The following KCNN2 variants were observed in gnomAD, a reference collection of about 807,000 sequenced individuals.
KCNN2 encodes potassium calcium-activated channel subfamily N member 2, also known as small conductance calcium-activated potassium channel protein 2.
In KCNN2, 24 loss-of-function variants were observed where a neutral mutation model predicts 55.5. That is an observed-to-expected ratio of 0.43 (90% CI 0.31 to 0.61). The LOEUF (loss-of-function observed/expected upper bound fraction) is 0.61. Ranked by LOEUF, KCNN2 falls within the 20% of genes least tolerant of loss-of-function variation. KCNN2 has a pLI of 0.08. For synonymous variants in KCNN2, 431 were observed against 336.1 expected (o/e 1.28, Z -3.09); for missense variants, 754 against 853.6 (o/e 0.88, Z 1.45).
rs976774676 is a variant in KCNN2, at chr5:114,470,333, A to G, written c.1780-2721A>G. ...GTAGTTAGGAACCCCTCAGGTTTTT[A>G]TGACCTCTGCTTATTAAAGAATCAT... is the stretch of plus-strand genomic sequence containing the variant. On this transcript the variant is annotated intron_variant, in intron 4 of 7. Coordinates refer to ENST00000673685, the MANE Select transcript of KCNN2 (RefSeq NM_021614.4). 2.6e-5 allele frequency among the ~76,000 whole-genome samples: 4 copies of G among 152,186 alleles called. No individual in the cohort carries two copies. In the South Asian group the frequency reaches 6.2e-4, roughly 24 times the overall value.
At chr5:114,288,097 A>C (rs1027258610) in intron 2 of KCNN2, among the ~76,000 whole-genome samples, 1 of 152,170 alleles carries the variant, frequency 6.6e-6, no homozygotes, top group African/African-American at 2.4e-5. Context: ...ATGTTATACA[A>C]CGTGTGCTCT....
chr5:114,416,747 T>A (rs1759318340), intron 3 of KCNN2, among the ~76,000 whole-genome samples: 1 of 152,232 alleles, frequency 6.6e-6, no homozygotes, highest in Non-Finnish European at 1.5e-5. Flanking sequence ...TAACAGAAGA[T>A]ATAATTTAAA....
At chr5:114,082,096 C>T (rs927714878) in intron 1 of KCNN2, among the ~76,000 whole-genome samples, 1 of 151,892 alleles carries the variant, frequency 6.6e-6, no homozygotes, top group Admixed American at 6.6e-5. Flanking sequence ...TACCTATAAT[C>T]CCAGTACTTT....
At chr5:114,267,002 T>C (rs1191999635) in intron 2 of KCNN2, among the ~76,000 whole-genome samples, 1 of 149,530 alleles carries the variant, frequency 6.7e-6, no homozygotes, top group African/African-American at 2.5e-5. Flanking sequence ...CTTTTTTTTT[T>C]TTTTTTTTTT....
intron 1 of KCNN2, among the ~76,000 whole-genome samples, chr5:114,167,643 C>T (rs1204510041): frequency 6.6e-6 from 1 of 152,064 alleles, no homozygotes; most frequent in Non-Finnish European, 1.5e-5. Flanking sequence ...ATTTTGACCT[C>T]TTCCCTTTGA....
In KCNN2 at chr5:114,486,656, A is replaced by T. The variant is rs1278671508; in HGVS notation, c.1891-394A>T. Reference sequence around the variant, plus strand: ...GAAATACCAAGCAGGCTTGCAAAGGACAAGATTAACCTTGGCCTCATGGTA... The same window carrying T: ...GAAATACCAAGCAGGCTTGCAAAGGTCAAGATTAACCTTGGCCTCATGGTA... On this transcript the variant is annotated intron_variant, in intron 5 of 7. Transcript: ENST00000673685. 5.0e-6 allele frequency: 5 copies of T among 998,286 alleles called. No homozygotes were observed. The South Asian group carries it at 7.1e-5, about 14-fold the overall frequency. The allele number at this position is 998,286 out of a possible 1,614,324, so 61.8% of individuals were successfully genotyped here. A position where few individuals can be genotyped will look rare whatever the true frequency, so the allele number is the denominator to read the frequency against.
intron 2 of KCNN2, among the ~76,000 whole-genome samples, chr5:114,398,166 T>C (rs1238657681): frequency 6.6e-6 from 1 of 152,242 alleles, no homozygotes; most frequent in Non-Finnish European, 1.5e-5. Flanking sequence ...TTTGGGGTTT[T>C]ACATTTAAGT....
At chr5:114,413,789 T>C (rs1406057969) in intron 3 of KCNN2, among the ~76,000 whole-genome samples, 1 of 152,128 alleles carries the variant, frequency 6.6e-6, no homozygotes, top group Non-Finnish European at 1.5e-5. Flanking sequence ...TTCATTATGG[T>C]CCTCCTCATC....
chr5:114,219,221 CTTAAATG>C (rs544056474), intron 1 of KCNN2, among the ~76,000 whole-genome samples: 82 of 152,344 alleles, frequency 5.4e-4, no homozygotes, highest in Non-Finnish European at 9.1e-4. Context: ...CCATGGCTGA[CTTAAATG>C]TTAAAAGCTT....
chr5:114,423,812 A>T (rs1759540038), intron 3 of KCNN2, among the ~76,000 whole-genome samples: 1 of 152,232 alleles, frequency 6.6e-6, no homozygotes, highest in African/African-American at 2.4e-5. Context: ...CTTTCTAGAA[A>T]GAAAACTTGA....
At chr5:114,465,718 T>A (rs1298237530) in intron 4 of KCNN2, among the ~76,000 whole-genome samples, 1 of 152,202 alleles carries the variant, frequency 6.6e-6, no homozygotes, top group East Asian at 1.9e-4. Flanking sequence ...GCCCTTAAGC[T>A]TATGGTAAAA....
chr5:114,202,585 A>AT (rs34199170), intron 1 of KCNN2, among the ~76,000 whole-genome samples: 1,405 of 92,052 alleles, frequency 0.015, 20 homozygotes, highest in African/African-American at 0.028. Flanking sequence ...ATATATATAT[A>AT]TTTTTTTTTT....
chr5:114,210,217 G>A (rs1182559006), intron 1 of KCNN2, among the ~76,000 whole-genome samples: 5 of 152,284 alleles, frequency 3.3e-5, no homozygotes, highest in East Asian at 1.9e-4. Flanking sequence ...GAAAATATTT[G>A]TGTTGGATAA....
intron 5 of KCNN2, among the ~76,000 whole-genome samples, chr5:114,480,259 G>T (rs186432474): frequency 6.6e-6 from 1 of 152,076 alleles, no homozygotes; most frequent in Admixed American, 6.6e-5. Context: ...AGAAAATCTA[G>T]AAGAAATGGA....
chr5:114,214,658 TG>T (rs1168736853), intron 1 of KCNN2, among the ~76,000 whole-genome samples: 2 of 152,134 alleles, frequency 1.3e-5, no homozygotes, highest in African/African-American at 4.8e-5. Context: ...TGTGTTCTTT[TG>T]GGTTCCCCAT....
chr5:114,248,715 A>G (rs1754798284), intron 2 of KCNN2, among the ~76,000 whole-genome samples: 1 of 152,178 alleles, frequency 6.6e-6, no homozygotes, highest in Non-Finnish European at 1.5e-5. Flanking sequence ...GTGATTTCTG[A>G]CCATAGAGAG....
At chr5:114,232,880 A>G (rs989699781) in intron 2 of KCNN2, among the ~76,000 whole-genome samples, 2 of 147,362 alleles carry the variant, frequency 1.4e-5, no homozygotes, top group East Asian at 3.9e-4. Context: ...GAGAGAAATA[A>G]TGCTTATTAC....
intron 3 of KCNN2, among the ~76,000 whole-genome samples, chr5:114,449,824 C>T (rs2169094): frequency 6.6e-6 from 1 of 151,698 alleles, no homozygotes; most frequent in Non-Finnish European, 1.5e-5. Flanking sequence ...ACAGATGCTG[C>T]CTCCTCAGAT....
At chr5:114,406,229 A>G (rs888195837) in intron 3 of KCNN2, among the ~76,000 whole-genome samples, 1 of 151,844 alleles carries the variant, frequency 6.6e-6, no homozygotes, top group African/African-American at 2.4e-5. Flanking sequence ...TGTATTTTAA[A>G]TACAAAAATA....
Sources: allele counts gnomAD v4.1 joint callset (sites outside exome capture counted in the v4.1 genomes callset), GRCh38; gene constraint gnomAD v4.1.1; transcripts MANE v1.5; gene names NCBI Gene and HGNC (gene_info 2026-07-23, HGNC 2026-07-21).